DOCK3: variants seen among roughly 807,000 people sequenced by gnomAD.
The protein encoded by DOCK3 is dedicator of cytokinesis 3, also known as dedicator of cytokinesis protein 3.
In DOCK3, 60 loss-of-function variants were observed where a neutral mutation model predicts 265.6. The observed-to-expected ratio is 0.23, with a 90% confidence interval of 0.18 to 0.28. The LOEUF is 0.28. DOCK3 is among the 10% of genes least tolerant of loss of function. The pLI is 1.00. For missense variants in DOCK3, 1,981 were observed against 2,594.3 expected, an observed-to-expected ratio of 0.76 and a Z score of 5.14; for synonymous variants, 881 against 938.0, an observed-to-expected ratio of 0.94 and a Z score of 1.11.
intron 1 of DOCK3, among the ~76,000 whole-genome samples, chr3:50,697,325 C>T (rs2035693968): frequency 6.6e-6 from 1 of 152,116 alleles, no homozygotes; most frequent in Non-Finnish European, 1.5e-5. Flanking sequence ...CATGGTGACT[C>T]ATGCCTGTAA....
At chr3:51,126,721 C>A (rs1048301030) in intron 9 of DOCK3, among the ~76,000 whole-genome samples, 1 of 152,130 alleles carries the variant, frequency 6.6e-6, no homozygotes, top group African/African-American at 2.4e-5. Flanking sequence ...TTGTAGCTCA[C>A]CACATTAAGC....
chr3:50,828,684 T>C (rs745746834), intron 2 of DOCK3, among the ~76,000 whole-genome samples: 5 of 152,056 alleles, frequency 3.3e-5, no homozygotes, highest in Non-Finnish European at 5.9e-5. Context: ...GGATTACAGG[T>C]GTGAGCCATG....
At chr3:51,018,295 C>T (rs941201609) in intron 5 of DOCK3, among the ~76,000 whole-genome samples, 2 of 151,416 alleles carry the variant, frequency 1.3e-5, no homozygotes, top group African/African-American at 4.9e-5. Context: ...TTGTTTTTTT[C>T]CTAATGATTA....
At chr3:50,690,531 C>G (rs1425513617) in intron 1 of DOCK3, among the ~76,000 whole-genome samples, 2 of 152,164 alleles carry the variant, frequency 1.3e-5, no homozygotes, top group African/African-American at 4.8e-5. Flanking sequence ...TCATCCCATA[C>G]TGAAATTCTA....
intron 27 of DOCK3, among the ~76,000 whole-genome samples, chr3:51,302,905 G>A (rs1386450259): frequency 6.6e-6 from 1 of 152,112 alleles, no homozygotes; most frequent in African/African-American, 2.4e-5. Context: ...TCTTGGGGTT[G>A]ATCTTCTTGT....
intron 9 of DOCK3, among the ~76,000 whole-genome samples, chr3:51,128,444 A>G (rs962619137): frequency 6.6e-6 from 1 of 152,248 alleles, no homozygotes; most frequent in African/African-American, 2.4e-5. Flanking sequence ...GATGGGGAAC[A>G]TGGTAATACC....
intron 4 of DOCK3, among the ~76,000 whole-genome samples, chr3:50,918,365 C>T (rs2050244250): frequency 6.6e-6 from 1 of 152,176 alleles, no homozygotes; most frequent in Non-Finnish European, 1.5e-5. Flanking sequence ...AATTAGTTTA[C>T]AGTCCCACCA....
intron 4 of DOCK3, among the ~76,000 whole-genome samples, chr3:50,912,960 G>A (rs1389382664): frequency 6.6e-6 from 1 of 152,016 alleles, no homozygotes. Flanking sequence ...GACCAAGCTG[G>A]TTCCTAAGGT....
At chr3:50,985,369 A>AT (rs940135234) in intron 5 of DOCK3, among the ~76,000 whole-genome samples, 4 of 152,054 alleles carry the variant, frequency 2.6e-5, no homozygotes, top group African/African-American at 7.2e-5. Flanking sequence ...TTTTAGCAAC[A>AT]TTTTTTCATT....
intron 21 of DOCK3, among the ~76,000 whole-genome samples, chr3:51,242,897 A>C (rs2078670941): frequency 6.6e-6 from 1 of 152,174 alleles, no homozygotes. Flanking sequence ...GGGAAGCTGC[A>C]GTATGGGGAG....
At chr3:50,880,241 C>T (rs1456340553) in intron 3 of DOCK3, among the ~76,000 whole-genome samples, 1 of 152,112 alleles carries the variant, frequency 6.6e-6, no homozygotes, top group Non-Finnish European at 1.5e-5. Context: ...CAAGAGCAAA[C>T]ACATTCAAAA....
chr3:51,099,389 T>C (rs564547462), intron 9 of DOCK3, among the ~76,000 whole-genome samples: 1 of 152,330 alleles, frequency 6.6e-6, no homozygotes, highest in African/African-American at 2.4e-5. Context: ...CTGTGGAAAA[T>C]TTTTAATGTA....
chr3:51,217,286 A>G (rs1234248475), intron 14 of DOCK3, among the ~76,000 whole-genome samples: 2 of 152,084 alleles, frequency 1.3e-5, no homozygotes, highest in South Asian at 4.1e-4. Context: ...TCTTTTTGAC[A>G]TTCTACCATT....
At chr3:51,058,753 C>T (rs916800128) in intron 5 of DOCK3, among the ~76,000 whole-genome samples, 8 of 152,068 alleles carry the variant, frequency 5.3e-5, no homozygotes, top group African/African-American at 1.9e-4. Flanking sequence ...TCATAGTTTG[C>T]ACCTTCTTGC....
At chr3:51,217,728 A>G (rs1226459162) in intron 14 of DOCK3, among the ~76,000 whole-genome samples, 1 of 152,178 alleles carries the variant, frequency 6.6e-6, no homozygotes, top group Non-Finnish European at 1.5e-5. Context: ...GGATGTTAAC[A>G]TTGTTTTCTG....
intron 32 of DOCK3, among the ~76,000 whole-genome samples, chr3:51,328,007 C>T (rs538031661): frequency 6.6e-6 from 1 of 152,182 alleles, no homozygotes; most frequent in Non-Finnish European, 1.5e-5. Context: ...TTGCCTAATA[C>T]AAAGTTCAAA....
intron 5 of DOCK3, among the ~76,000 whole-genome samples, chr3:51,047,476 AAG>A (rs2080823716): frequency 6.6e-6 from 1 of 151,906 alleles, no homozygotes; most frequent in Admixed American, 6.6e-5. Context: ...AAAAATCAAA[AAG>A]ATGGTTTTTT....
chr3:51,244,383 C>T (rs1468305811), intron 21 of DOCK3, among the ~76,000 whole-genome samples: 3 of 152,014 alleles, frequency 2.0e-5, no homozygotes, highest in African/African-American at 7.2e-5. Context: ...CTTTAAGCAA[C>T]ATGTATAAAA....
chr3:51,266,339 A>T (rs1286271541), intron 23 of DOCK3, among the ~76,000 whole-genome samples: 1 of 152,240 alleles, frequency 6.6e-6, no homozygotes, highest in Non-Finnish European at 1.5e-5. Flanking sequence ...TTTAAAGTTC[A>T]TATGGAACCA....
Sources: gnomAD v4.1 joint callset for allele counts (sites outside exome capture counted in the v4.1 genomes callset) on GRCh38, gnomAD v4.1.1 for gene constraint, MANE v1.5 for transcripts, NCBI Gene and HGNC (gene_info 2026-07-23, HGNC 2026-07-21) for gene names.